Variants in FBXL13 observed in about 807,000 individuals in gnomAD.
FBXL13 encodes the protein F-box and leucine rich repeat protein 13, also known as F-box and leucine-rich repeat protein 13.
A neutral mutation model predicts 83.6 loss-of-function variants in FBXL13; 67 were observed. That is an observed-to-expected ratio of 0.80 (90% CI 0.66 to 0.98). The LOEUF (loss-of-function observed/expected upper bound fraction) is 0.98. Among genes scored for constraint, FBXL13 ranks in the 50% least tolerant of loss-of-function variants. The pLI, the probability that FBXL13 is intolerant of heterozygous loss-of-function variation, is 0.00. For missense variants in FBXL13, 822 were observed against 866.5 expected (o/e 0.95, Z 0.64); for synonymous variants, 272 against 299.5 (o/e 0.91, Z 0.95).
intron 1 of FBXL13, among the ~76,000 whole-genome samples, chr7:103,056,866 A>C (rs181362190): frequency 1.2e-4 from 18 of 152,028 alleles, no homozygotes; most frequent in Non-Finnish European, 2.2e-4. Context: ...TGCAGGAGTA[A>C]GGTGGTATCA....
exon 7 of FBXL13, chr7:102,968,056 A>C (rs1826185734): frequency 1.9e-6 from 3 of 1,614,012 alleles, no homozygotes; most frequent in Non-Finnish European, 2.5e-6. Context: ...TGTCATCAAC[A>C]TCCAGGCATG....
intron 6 of FBXL13, among the ~76,000 whole-genome samples, chr7:102,995,425 G>A (rs890492991): frequency 2.1e-5 from 3 of 140,638 alleles, no homozygotes; most frequent in African/African-American, 8.1e-5. Flanking sequence ...AGCTTGCAGT[G>A]AGCTGAGATC....
chr7:102,876,869 T>A (rs1342630308), intron 16 of FBXL13, among the ~76,000 whole-genome samples: 2 of 152,180 alleles, frequency 1.3e-5, no homozygotes, highest in Non-Finnish European at 2.9e-5. Context: ...GTCCATATAT[T>A]CCTTGTATAA....
At chr7:103,049,335 A>G (rs138803520) in intron 2 of FBXL13, among the ~76,000 whole-genome samples, 4,145 of 152,290 alleles carry the variant, frequency 0.027, 101 homozygotes, top group Non-Finnish European at 0.036. Flanking sequence ...ATTTAGACTA[A>G]ATGTCTTTAT....
chr7:102,993,530 A>C (rs1829792912), intron 6 of FBXL13, among the ~76,000 whole-genome samples: 1 of 137,746 alleles, frequency 7.3e-6, no homozygotes, highest in Non-Finnish European at 1.6e-5. Flanking sequence ...TGCATTACTT[A>C]ACTATTTTAG....
chr7:102,931,782 A>T, intron 9 of FBXL13, 99 bp downstream of exon 10: 1 of 1,140,000 alleles, frequency 8.8e-7, no homozygotes, highest in East Asian at 2.5e-5. Context: ...TCCACATTGA[A>T]TCCCAAATAA....
At chr7:102,866,333 C>G (rs912125159) in intron 16 of FBXL13, among the ~76,000 whole-genome samples, 1 of 152,062 alleles carries the variant, frequency 6.6e-6, no homozygotes, top group African/African-American at 2.4e-5. Flanking sequence ...GACAATGGAC[C>G]ATAACCTCTG....
At chr7:103,057,227 A>T (rs1797423810) in intron 1 of FBXL13, among the ~76,000 whole-genome samples, 1 of 152,216 alleles carries the variant, frequency 6.6e-6, no homozygotes, top group Non-Finnish European at 1.5e-5. Flanking sequence ...CTGCTAAAGT[A>T]AAACAAAAAT....
intron 4 of FBXL13, 36 bp from the exon 6 acceptor site, chr7:103,027,594 T>C (rs1398716419): frequency 7.4e-7 from 1 of 1,349,058 alleles, no homozygotes; most frequent in Non-Finnish European, 1.0e-6. Flanking sequence ...TATATATTAA[T>C]AGTTATAGCT....
intron 9 of FBXL13, among the ~76,000 whole-genome samples, chr7:102,929,689 T>G (rs1462656929): frequency 9.9e-5 from 14 of 141,150 alleles, no homozygotes; most frequent in African/African-American, 3.6e-4. Context: ...AAAAAATTAA[T>G]TAAGTTAGAA....
intron 8 of FBXL13, among the ~76,000 whole-genome samples, chr7:102,936,002 G>A (rs1820233022): frequency 6.6e-6 from 1 of 152,144 alleles, no homozygotes; most frequent in Admixed American, 6.5e-5. Context: ...TACCAGCAAA[G>A]TCATGCTCAA....
chr7:102,849,488 T>C (rs1388665433), intron 17 of FBXL13, among the ~76,000 whole-genome samples: 2 of 152,236 alleles, frequency 1.3e-5, no homozygotes, highest in African/African-American at 4.8e-5. Flanking sequence ...AAGCGAATTA[T>C]GTAGTGTGTA....
At chr7:102,921,920 G>A (rs956743798) in intron 10 of FBXL13, among the ~76,000 whole-genome samples, 1 of 152,024 alleles carries the variant, frequency 6.6e-6, no homozygotes, top group African/African-American at 2.4e-5. Context: ...TCCAGGCATG[G>A]TGGCTCACGC....
At chr7:103,042,007 T>C (rs1335011311) in intron 2 of FBXL13, among the ~76,000 whole-genome samples, 4 of 152,196 alleles carry the variant, frequency 2.6e-5, no homozygotes, top group African/African-American at 9.7e-5. Flanking sequence ...ATAAAGGGTA[T>C]TCAATTAGGA....
exon 14 of FBXL13, chr7:102,883,379 T>G (rs753709922): frequency 1.2e-6 from 2 of 1,613,830 alleles, no homozygotes; most frequent in Admixed American, 3.3e-5. Flanking sequence ...TGTCTGTTAT[T>G]CCCTTGCAGT....
At chr7:103,072,500 G>GGACT (rs1465567423) in intron 1 of FBXL13, among the ~76,000 whole-genome samples, 1 of 152,104 alleles carries the variant, frequency 6.6e-6, no homozygotes, top group Non-Finnish European at 1.5e-5. Flanking sequence ...GGGGAACTGG[G>GGACT]GACTGCCTCA....
intron 8 of FBXL13, among the ~76,000 whole-genome samples, chr7:102,962,081 A>G (rs1825309849): frequency 6.6e-6 from 1 of 150,936 alleles, no homozygotes; most frequent in Admixed American, 6.6e-5. Flanking sequence ...TTTCACAACT[A>G]CTCATCTGAC....
At chr7:102,930,141 G>A (rs1201402046) in intron 9 of FBXL13, among the ~76,000 whole-genome samples, 1 of 152,078 alleles carries the variant, frequency 6.6e-6, no homozygotes, top group Non-Finnish European at 1.5e-5. Flanking sequence ...AAATAGAGTA[G>A]AATTTTGAAA....
intron 6 of FBXL13, among the ~76,000 whole-genome samples, chr7:103,008,230 A>G (rs1791191211): frequency 6.6e-6 from 1 of 152,244 alleles, no homozygotes; most frequent in African/African-American, 2.4e-5. Context: ...TGTCAAGGTT[A>G]TGAAAATTAA....
Sources: allele counts gnomAD v4.1 joint callset (sites outside exome capture counted in the v4.1 genomes callset), GRCh38; gene constraint gnomAD v4.1.1; transcripts MANE v1.5; gene names NCBI Gene and HGNC (gene_info 2026-07-23, HGNC 2026-07-21).